Variants in PDGFRL observed in about 807,000 individuals in gnomAD.
PDGFRL encodes the protein platelet derived growth factor receptor like, also known as platelet-derived growth factor receptor-like protein.
In PDGFRL, 46 loss-of-function variants were observed where a neutral mutation model predicts 37.2. That is an observed-to-expected ratio of 1.24 (90% CI 0.98 to 1.58). The LOEUF is 1.58. PDGFRL is among the 40% of genes most tolerant of loss of function. The pLI, the probability that PDGFRL is intolerant of heterozygous loss-of-function variation, is 0.00. For synonymous variants in PDGFRL, 251 were observed against 184.3 expected, an observed-to-expected ratio of 1.36 and a Z score of -2.93; for missense variants, 692 against 467.6, an observed-to-expected ratio of 1.48 and a Z score of -4.43.
At chr8:17,624,674 C>T (rs545663629) in intron 3 of PDGFRL, among the ~76,000 whole-genome samples, 43 of 152,266 alleles carry the variant, frequency 2.8e-4, no homozygotes, top group Admixed American at 4.6e-4. Context: ...TTTGGGAAGC[C>T]GAGGCAGGCG....
Position 17,586,420 on chromosome 8 carries a change from A to G in PDGFRL, c.56-3048A>G, listed in dbSNP as rs928905129. On this transcript the variant is annotated intron_variant, in intron 1 of 5. Coordinates refer to ENST00000251630, the MANE Select transcript of PDGFRL (RefSeq NM_001372073.1). ...AACAAAGAATCTCATGGTGCATGAGATTTGTGCAAATAAAGTGAAAAAGCA... is the reference window on the plus strand; with the variant it reads ...AACAAAGAATCTCATGGTGCATGAGGTTTGTGCAAATAAAGTGAAAAAGCA... Among the ~76,000 whole-genome samples the G allele has an allele frequency of 2.0e-5, 3 of 152,162 alleles. 1 individual carries two copies. The highest frequency in any genetic ancestry group is 7.2e-5 in the African/African-American group (3 of 41,402).
intron 2 of PDGFRL, 67 bp from the exon 3 acceptor site, chr8:17,620,984 A>G: frequency 1.1e-5 from 13 of 1,216,042 alleles, no homozygotes; most frequent in Non-Finnish European, 1.5e-5. Flanking sequence ...AGTGGAGCCG[A>G]GTGTGACAGC....
intron 2 of PDGFRL, among the ~76,000 whole-genome samples, chr8:17,617,593 T>C (rs1804554373): frequency 6.6e-6 from 1 of 152,206 alleles, no homozygotes; most frequent in South Asian, 2.1e-4. Context: ...ATGGACATTC[T>C]AAATCCAGGC....
intron 2 of PDGFRL, among the ~76,000 whole-genome samples, chr8:17,612,111 A>T (rs1804429686): frequency 1.3e-5 from 2 of 152,152 alleles, no homozygotes; most frequent in African/African-American, 4.8e-5. Context: ...TGTTTCCATT[A>T]ATCAGAACAA....
intron 2 of PDGFRL, among the ~76,000 whole-genome samples, chr8:17,590,026 T>C (rs1177637094): frequency 2.0e-5 from 3 of 150,140 alleles, no homozygotes; most frequent in Non-Finnish European, 4.5e-5. Context: ...GGTCAGGAGA[T>C]CGAGGCTATC....
intron 1 of PDGFRL, among the ~76,000 whole-genome samples, chr8:17,586,013 GCGATCTCAGCT>G (rs1803807307): frequency 6.6e-6 from 1 of 152,066 alleles, no homozygotes; most frequent in Non-Finnish European, 1.5e-5. Flanking sequence ...GTGCAGTGGT[GCGATCTCAGCT>G]CACTGCAACC....
At chr8:17,607,324 C>G (rs1357166864) in intron 2 of PDGFRL, among the ~76,000 whole-genome samples, 1 of 152,054 alleles carries the variant, frequency 6.6e-6, no homozygotes, top group Non-Finnish European at 1.5e-5. Context: ...TTGGTTGAAG[C>G]ACGTTCTATA....
Position 17,577,284 on chromosome 8 carries a change from T to G in PDGFRL, c.32T>G (p.Leu11Arg). 2 of 1,613,062 alleles carry G rather than the reference T, an allele frequency of 1.2e-6. No homozygotes were observed. Among genetic ancestry groups the G allele is most frequent in the African/African-American group, 2.7e-5 (2 of 74,918 alleles). Residue 11 changes from leucine (L) to arginine (R), a missense_variant, in exon 1 of 6, where the codon CTG (leucine) becomes CGG (arginine). Physicochemically the swap from Leu to Arg is moderately radical, Grantham distance 102. Transcript: ENST00000251630. MKVWLLLGLL[L>R]VHEALEDVTG... The stretch of plus-strand genomic sequence containing the variant: ...GTCTGGCTGCTGCTTGGTCTTCTGC[T>G]GGTGCACGAAGCGCTGGAGGATGGT...
chr8:17,603,545 T>C (rs983334818), intron 2 of PDGFRL, among the ~76,000 whole-genome samples: 3 of 152,164 alleles, frequency 2.0e-5, no homozygotes, highest in African/African-American at 4.8e-5. Context: ...AGATCGGAAA[T>C]AGCAAAGGTA....
chr8:17,641,973 C>T (rs1045828497), intron 5 of PDGFRL, among the ~76,000 whole-genome samples: 2 of 132,170 alleles, frequency 1.5e-5, no homozygotes, highest in African/African-American at 2.8e-5. Flanking sequence ...TACATGAATT[C>T]AGAAAATACT....
Position 17,628,546 on chromosome 8 carries a change from G to A in PDGFRL, c.565G>A (p.Asp189Asn). 6.2e-7 allele frequency: 1 copy of A among 1,613,942 alleles called. No individual in the cohort carries two copies. Among genetic ancestry groups the A allele is most frequent in the Non-Finnish European group, 8.5e-7 (1 of 1,179,812 alleles). Residue 189 changes from aspartate (D) to asparagine (N), a missense_variant, in exon 4 of 6, where the codon GAC becomes AAC. Transcript: ENST00000251630. ...SYFDVVYLNP[D>N]RQAVVPCRVT... ...CTTCGATGTTGTCTACTTGAACCCGGACAGACAGGCTGTGGTTCCTTGTCG... is the reference window on the plus strand; with the variant it reads ...CTTCGATGTTGTCTACTTGAACCCGAACAGACAGGCTGTGGTTCCTTGTCG...
At chr8:17,578,989 G>T (rs1803646857) in intron 1 of PDGFRL, among the ~76,000 whole-genome samples, 1 of 152,048 alleles carries the variant, frequency 6.6e-6, no homozygotes, top group African/African-American at 2.4e-5. Flanking sequence ...CACAAGGTCA[G>T]GAGTTCAAGA....
At chr8:17,622,498 G>A (rs898133266) in intron 3 of PDGFRL, among the ~76,000 whole-genome samples, 1 of 152,174 alleles carries the variant, frequency 6.6e-6, no homozygotes, top group Non-Finnish European at 1.5e-5. Context: ...ACAATCTTAT[G>A]TATTTGTCCT....
chr8:17,585,864 T>C (rs1415914324), intron 1 of PDGFRL, among the ~76,000 whole-genome samples: 1 of 152,238 alleles, frequency 6.6e-6, no homozygotes, highest in East Asian at 1.9e-4. Flanking sequence ...CAGTTGATGA[T>C]GAATAATCAT....
intron 3 of PDGFRL, among the ~76,000 whole-genome samples, chr8:17,622,135 G>C (rs749384230): frequency 2.0e-5 from 3 of 152,210 alleles, no homozygotes; most frequent in Non-Finnish European, 4.4e-5. Context: ...GTATGTTTCT[G>C]GAAGATGGAG....
chr8:17,622,404 G>GTAGACCTAGACATAGGCC (rs3831579), intron 3 of PDGFRL, among the ~76,000 whole-genome samples: 1 of 151,920 alleles, frequency 6.6e-6, no homozygotes, highest in Non-Finnish European at 1.5e-5. Context: ...CCTTTCAGAC[G>GTAGACCTAGACATAGGCC]TAGACCTAGA....
intron 2 of PDGFRL, among the ~76,000 whole-genome samples, chr8:17,615,368 G>A (rs1278382484): frequency 1.3e-5 from 2 of 152,068 alleles, no homozygotes. Flanking sequence ...TGTTAGAGGT[G>A]CCATCACTCA....
At chr8:17,641,357 C>T (rs1285551144) in intron 5 of PDGFRL, among the ~76,000 whole-genome samples, 2 of 152,248 alleles carry the variant, frequency 1.3e-5, no homozygotes, top group Non-Finnish European at 2.9e-5. Flanking sequence ...AAGTTTCCTT[C>T]TCCCTGTGGT....
At chr8:17,606,382 C>T (rs1023257382) in intron 2 of PDGFRL, among the ~76,000 whole-genome samples, 1 of 152,118 alleles carries the variant, frequency 6.6e-6, no homozygotes, top group African/African-American at 2.4e-5. Flanking sequence ...AGGAGGCTCT[C>T]ACTTTGCCTT....
Sources: allele counts gnomAD v4.1 joint callset (sites outside exome capture counted in the v4.1 genomes callset), GRCh38; gene constraint gnomAD v4.1.1; transcripts MANE v1.5; gene names NCBI Gene and HGNC (gene_info 2026-07-23, HGNC 2026-07-21).